TRIT1: variants seen among roughly 807,000 people sequenced by gnomAD.
TRIT1 encodes tRNA dimethylallyltransferase.
Under a neutral mutation model 51.2 loss-of-function variants are expected in TRIT1, and 43 were observed. That is an observed-to-expected ratio of 0.84 (90% CI 0.66 to 1.08). The LOEUF (loss-of-function observed/expected upper bound fraction) is 1.08. Ranked by LOEUF, TRIT1 falls within the 50% of genes least tolerant of loss-of-function variation. TRIT1 has a pLI of 0.00. For synonymous variants in TRIT1, 184 were observed against 203.9 expected, an observed-to-expected ratio of 0.90 and a Z score of 0.83; for missense variants, 528 against 578.4, an observed-to-expected ratio of 0.91 and a Z score of 0.89.
At chr1:39,850,417 T>C (rs1170580253) in intron 4 of TRIT1, among the ~76,000 whole-genome samples, 156 bp from the exon 5 acceptor site, 3 of 152,196 alleles carry the variant, frequency 2.0e-5, no homozygotes, top group Non-Finnish European at 4.4e-5. Flanking sequence ...TCCCAGCTAC[T>C]CAGGAGGCCA....
chr1:39,863,903 T>C (rs907901459), intron 1 of TRIT1, among the ~76,000 whole-genome samples: 1 of 152,134 alleles, frequency 6.6e-6, no homozygotes, highest in Non-Finnish European at 1.5e-5. Flanking sequence ...ATTCAAGTGA[T>C]TTTGTTCACT....
At chr1:39,855,997 CAAAATCCATCTCTACAAAAAAT>C (rs1363951644) in intron 2 of TRIT1, among the ~76,000 whole-genome samples, 1 of 151,696 alleles carries the variant, frequency 6.6e-6, no homozygotes, top group African/African-American at 2.4e-5. Flanking sequence ...GTCAACATAG[CAAAATCCATCTCTACAAAAAAT>C]AAAATAGCCG....
chr1:39,873,950 G>A (rs1023262114), intron 1 of TRIT1, among the ~76,000 whole-genome samples: 1 of 151,166 alleles, frequency 6.6e-6, no homozygotes, highest in East Asian at 1.9e-4. Context: ...GGGGGATGGA[G>A]GCTGCAGTGA....
At chr1:39,844,440 A>C (rs1051451731) in intron 9 of TRIT1, 91 bp downstream of exon 9, 1 of 1,065,668 alleles carries the variant, frequency 9.4e-7, no homozygotes, top group Non-Finnish European at 1.4e-6. Flanking sequence ...ATGGAAAAGA[A>C]GGCCTGGTTC....
At chr1:39,849,997 A>G in intron 5 of TRIT1, 122 bp downstream of exon 5, 1 of 975,516 alleles carries the variant, frequency 1.0e-6, no homozygotes, top group Non-Finnish European at 1.5e-6. Flanking sequence ...TAATAAAATT[A>G]ATAGCTAATA....
chr1:39,866,609 C>T (rs1643570383), intron 1 of TRIT1, among the ~76,000 whole-genome samples: 2 of 152,134 alleles, frequency 1.3e-5, no homozygotes, highest in Admixed American at 6.5e-5. Flanking sequence ...AAGGCAATTA[C>T]TCTTTTCAAC....
intron 1 of TRIT1, among the ~76,000 whole-genome samples, chr1:39,857,885 A>C (rs937482563): frequency 6.6e-6 from 1 of 152,216 alleles, no homozygotes; most frequent in African/African-American, 2.4e-5. Flanking sequence ...CCATTTGTGG[A>C]GAAGGAGTCT....
chr1:39,878,956 A>G (rs1421246397), intron 1 of TRIT1, among the ~76,000 whole-genome samples: 2 of 152,202 alleles, frequency 1.3e-5, no homozygotes, highest in Non-Finnish European at 2.9e-5. Flanking sequence ...CACTCCTAAG[A>G]AGGATAACTG....
Position 39,840,678 on chromosome 1 carries a change from G to C in TRIT1, c.*1066C>G, listed in dbSNP as rs1652520288. Among the ~76,000 whole-genome samples the C allele has an allele frequency of 6.6e-6, 1 of 152,202 alleles. No individual in the cohort carries two copies. Among genetic ancestry groups the C allele is most frequent in the South Asian group, 2.1e-4 (1 of 4,832 alleles). ...GCTTAAAGGGCACAAAGTTTGTTTG[G>C]AGTGACAAAAACGTTTTGGAAATAG... On this transcript the variant is annotated 3_prime_UTR_variant, in exon 11 of 11. Coordinates refer to ENST00000316891, the MANE Select transcript of TRIT1 (RefSeq NM_017646.6).
In TRIT1 at chr1:39,838,659, AGTATGTAT is replaced by A. The variant is rs1209546416; in HGVS notation, c.*3077_*3084del. ...GCATGCATACATATATATATATGTA[AGTATGTAT>A]GTATGTATATATTTGTGCTGACTGG... On this transcript the variant is annotated 3_prime_UTR_variant, in exon 11 of 11. Transcript: ENST00000316891. Among the ~76,000 whole-genome samples the A allele has an allele frequency of 1.4e-5, 2 of 144,118 alleles. No individual in the cohort carries two copies. Among genetic ancestry groups the A allele is most frequent in the African/African-American group, 5.4e-5 (2 of 37,196 alleles). The allele number at this position is 144,118 out of a possible 152,430, so 94.5% of individuals were successfully genotyped here.
chr1:39,859,260 CAAAAAAAAAAAAAAAAAAAAAA>C (rs3033562), intron 1 of TRIT1, among the ~76,000 whole-genome samples: 9 of 19,032 alleles, frequency 4.7e-4, no homozygotes, highest in East Asian at 2.3e-3. Context: ...GACTCCGTCT[CAAAAAAAAAAAAAAAAAAAAAA>C]AAAAAAAAAA....
intron 4 of TRIT1, among the ~76,000 whole-genome samples, chr1:39,850,827 T>C (rs907700262): frequency 2.6e-5 from 4 of 152,180 alleles, no homozygotes; most frequent in Admixed American, 1.3e-4. Context: ...TACAAAAGCA[T>C]GTTGTACATC....
chr1:39,845,881 C>T (rs149605650), intron 8 of TRIT1, among the ~76,000 whole-genome samples: 1,740 of 152,256 alleles, frequency 0.011, 21 homozygotes, highest in African/African-American at 0.04. Context: ...AGCACCAGGA[C>T]GATGCCGGCA....
At chr1:39,870,942 C>T (rs1643862026) in intron 1 of TRIT1, among the ~76,000 whole-genome samples, 1 of 152,142 alleles carries the variant, frequency 6.6e-6, no homozygotes, top group Admixed American at 6.5e-5. Context: ...GCCTGTAATC[C>T]CAGCACTTTA....
chr1:39,880,519 G>A (rs1006980963), intron 1 of TRIT1, among the ~76,000 whole-genome samples: 1 of 152,060 alleles, frequency 6.6e-6, no homozygotes, highest in Non-Finnish European at 1.5e-5. Flanking sequence ...ACACAAGTTG[G>A]GCCAGGCGCA....
At chr1:39,844,475 G>C in intron 9 of TRIT1, 56 bp downstream of exon 9, 1 of 1,358,554 alleles carries the variant, frequency 7.4e-7, no homozygotes, top group South Asian at 1.2e-5. Flanking sequence ...AAAGGTGTCA[G>C]CTAATGAAAG....
At chr1:39,845,096 G>C (rs1029952154) in intron 8 of TRIT1, among the ~76,000 whole-genome samples, 1 of 152,214 alleles carries the variant, frequency 6.6e-6, no homozygotes, top group Non-Finnish European at 1.5e-5. Context: ...TTCCCTCAGC[G>C]GCCTGGGACT....
At chr1:39,860,692 T>C (rs1272160890) in intron 1 of TRIT1, among the ~76,000 whole-genome samples, 1 of 152,224 alleles carries the variant, frequency 6.6e-6, no homozygotes, top group Non-Finnish European at 1.5e-5. Flanking sequence ...CAAGTGTTCA[T>C]AATTATCGAC....
At chr1:39,855,105 G>A in intron 2 of TRIT1, among the ~76,000 whole-genome samples, 1 of 152,190 alleles carries the variant, frequency 6.6e-6, no homozygotes, top group Non-Finnish European at 1.5e-5. Flanking sequence ...ATCCACTGCA[G>A]CATCCCAAAG....
Sources: allele counts gnomAD v4.1 joint callset (sites outside exome capture counted in the v4.1 genomes callset), GRCh38; gene constraint gnomAD v4.1.1; transcripts MANE v1.5; gene names NCBI Gene and HGNC (gene_info 2026-07-23, HGNC 2026-07-21).